BIRC6: variants seen among roughly 807,000 people sequenced by gnomAD.
The protein encoded by BIRC6 is baculoviral IAP repeat containing 6.
Under a neutral mutation model 503.3 loss-of-function variants are expected in BIRC6, and 98 were observed. The observed-to-expected ratio is 0.19, with a 90% CI of 0.17 to 0.23. BIRC6 has a LOEUF of 0.23. BIRC6 is among the 10% of genes least tolerant of loss of function. The pLI is 1.00. For missense variants in BIRC6, 5,360 were observed against 5,806.0 expected (o/e 0.92, Z 2.50); for synonymous variants, 2,240 against 2,078.7 (o/e 1.08, Z -2.11).
At chr2:32,413,192 T>TA (rs1237495599) in intron 9 of BIRC6, among the ~76,000 whole-genome samples, 4 of 150,132 alleles carry the variant, frequency 2.7e-5, no homozygotes, top group Non-Finnish European at 5.9e-5. Flanking sequence ...TTTTTTTTTT[T>TA]TTTTTGAGAC....
At chr2:32,531,295 A>G (rs954428019) in intron 60 of BIRC6, 60 bp from the exon 61 acceptor site, 171 of 1,392,032 alleles carry the variant, frequency 1.2e-4, no homozygotes, top group Non-Finnish European at 1.6e-4. Flanking sequence ...TGTAAATGAA[A>G]GAATATTATA....
At chr2:32,482,608 C>CAT in intron 39 of BIRC6, 26 bp downstream of exon 39, 1 of 1,609,840 alleles carries the variant, frequency 6.2e-7, no homozygotes, top group Middle Eastern at 1.7e-4. Context: ...TATTTTAAGA[C>CAT]ATATGCTATT....
chr2:32,491,996 C>T (rs951840314), intron 44 of BIRC6, among the ~76,000 whole-genome samples: 2 of 152,036 alleles, frequency 1.3e-5, no homozygotes, highest in African/African-American at 2.4e-5. Flanking sequence ...GACTTATAAA[C>T]ATTTTCTGTT....
At chr2:32,497,963 C>A (rs1176150107) in intron 45 of BIRC6, among the ~76,000 whole-genome samples, 1 of 151,998 alleles carries the variant, frequency 6.6e-6, no homozygotes, top group Non-Finnish European at 1.5e-5. Context: ...CTATTTATTT[C>A]ATCTATTTTT....
At chr2:32,441,151 A>T (rs1379408933) in intron 16 of BIRC6, among the ~76,000 whole-genome samples, 178 bp from the exon 17 acceptor site, 1 of 152,070 alleles carries the variant, frequency 6.6e-6, no homozygotes, top group Non-Finnish European at 1.5e-5. Flanking sequence ...TTCCCCTATT[A>T]TAATTCTGGA....
At chr2:32,458,247 C>T (rs2047458442) in intron 23 of BIRC6, among the ~76,000 whole-genome samples, 1 of 152,090 alleles carries the variant, frequency 6.6e-6, no homozygotes. Flanking sequence ...GATGTTTCTA[C>T]ATGTGGTTTC....
intron 23 of BIRC6, among the ~76,000 whole-genome samples, chr2:32,460,998 CTCTCTTCTCT>C (rs1244077881): frequency 0.066 from 5,820 of 88,580 alleles, 260 homozygotes; most frequent in Middle Eastern, 0.13. Context: ...CTCTGCTCTG[CTCTCTTCTCT>C]TCTCTTCTCT....
intron 66 of BIRC6, among the ~76,000 whole-genome samples, chr2:32,577,430 A>G (rs910289123): frequency 2.6e-5 from 4 of 152,168 alleles, no homozygotes; most frequent in Non-Finnish European, 4.4e-5. Context: ...ATGATTTGGA[A>G]TGTTGTTTTA....
chr2:32,579,230 G>A (rs2060501794), intron 66 of BIRC6, among the ~76,000 whole-genome samples: 1 of 151,510 alleles, frequency 6.6e-6, no homozygotes, highest in Admixed American at 6.6e-5. Flanking sequence ...TAAAGAAAAA[G>A]GTCAAGTGTA....
intron 62 of BIRC6, among the ~76,000 whole-genome samples, chr2:32,544,856 C>G (rs528319721): frequency 6.6e-6 from 1 of 151,868 alleles, no homozygotes; most frequent in Non-Finnish European, 1.5e-5. Context: ...TCAGGAATTT[C>G]TAATTACTTG....
At chr2:32,542,613 C>T (rs968670981) in intron 61 of BIRC6, among the ~76,000 whole-genome samples, 6 of 152,102 alleles carry the variant, frequency 3.9e-5, no homozygotes, top group African/African-American at 1.2e-4. Context: ...ATAATTGTTT[C>T]AGGCACAATT....
At chr2:32,481,938 T>C (rs1430636054) in intron 38 of BIRC6, among the ~76,000 whole-genome samples, 7 of 152,124 alleles carry the variant, frequency 4.6e-5, no homozygotes, top group Admixed American at 4.6e-4. Flanking sequence ...TTAAAAACAA[T>C]CAATGGAATA....
Position 32,482,443 on chromosome 2 carries a change from A to C in BIRC6, c.7557A>C (p.Thr2519=). ...ATTCTTTTAAGCCAATAAGCAGTAC[A>C]TGGTATGATTATTGGGGTGCTGATT... ...AAKVFKPISS[T]WYDYWGADYG... The change falls in exon 39 of 74, where the codon ACA becomes ACC. Residue 2519 remains threonine, a synonymous_variant. Transcript: ENST00000421745. The C allele has an allele frequency of 6.2e-7, 1 of 1,613,860 alleles. No individual in the cohort carries two copies. Among genetic ancestry groups the C allele is most frequent in the Non-Finnish European group, 8.5e-7 (1 of 1,179,826 alleles).
chr2:32,535,351 G>C (rs1007901795), intron 61 of BIRC6, among the ~76,000 whole-genome samples: 2 of 151,938 alleles, frequency 1.3e-5, no homozygotes, highest in South Asian at 2.1e-4. Context: ...TGTGCACAAC[G>C]TGCAGGTTTG....
chr2:32,611,601 C>A lies in BIRC6; in HGVS notation c.14394+19C>A. ...TCTCAAGGTGAGTAAGCCTCTCTAA[C>A]AGGAGCCTTGTTGCTTTAAGAGTTG... On this transcript the variant is annotated intron_variant, in intron 73 of 73. Transcript: ENST00000421745. The A allele has an allele frequency of 6.5e-7, 1 of 1,533,850 alleles. No homozygotes were observed. Among genetic ancestry groups the A allele is most frequent in the Non-Finnish European group, 8.8e-7 (1 of 1,135,498 alleles).
intron 65 of BIRC6, among the ~76,000 whole-genome samples, chr2:32,571,646 G>A (rs1017595874): frequency 6.6e-6 from 1 of 151,586 alleles, no homozygotes; most frequent in African/African-American, 2.4e-5. Flanking sequence ...TCTCTTCTTG[G>A]TTAGTCTAGC....
At chr2:32,421,748 C>A (rs564173014) in intron 10 of BIRC6, among the ~76,000 whole-genome samples, 2 of 152,182 alleles carry the variant, frequency 1.3e-5, no homozygotes, top group South Asian at 4.2e-4. Flanking sequence ...TTTTCATGAC[C>A]CAGCATCTGG....
chr2:32,450,540 TTTG>T (rs1310739006), intron 22 of BIRC6, among the ~76,000 whole-genome samples: 5 of 152,190 alleles, frequency 3.3e-5, no homozygotes, highest in South Asian at 2.1e-4. Context: ...TACAGCATTT[TTTG>T]TTGTTGTTGT....
rs1238768678 is a variant in BIRC6 at position 32,515,226 on chromosome 2, C to A, written c.10805C>A (p.Pro3602His). ...LTDDSKNAQA[P>H]LALTESHLAT... is the part of the protein sequence containing the mutation. ...GATGACTCTAAAAATGCACAAGCAC[C>A]TCTCGCATTAACTGAATCACATTTG... The change falls in exon 55 of 74, where the codon CCT becomes CAT. Residue 3602 changes from proline to histidine, a missense_variant. Physicochemically the swap from Pro to His is moderately conservative, Grantham distance 77. This residue lies in a region of BIRC6 where 878 missense variants were observed against 928.9 expected (regional missense o/e 0.95). Coordinates refer to ENST00000421745, the MANE Select transcript of BIRC6 (RefSeq NM_016252.4). 1 of 1,613,836 alleles carries A rather than the reference C, an allele frequency of 6.2e-7. No homozygotes were observed. The highest frequency in any genetic ancestry group is 1.1e-5 in the South Asian group (1 of 91,080).
Sources: gnomAD v4.1 joint callset for allele counts (sites outside exome capture counted in the v4.1 genomes callset) on GRCh38, gnomAD v4.1.1 for gene constraint, gnomAD v4.1.1 regional missense constraint, MANE v1.5 for transcripts, NCBI Gene and HGNC (gene_info 2026-07-23, HGNC 2026-07-21) for gene names.